The following ERAP1 variants were observed in gnomAD, a reference collection of about 807,000 sequenced individuals.
The protein encoded by ERAP1 is endoplasmic reticulum aminopeptidase 1, also known as adipocyte-derived leucine aminopeptidase.
ERAP1 carries 86 observed loss-of-function variants against 103.7 expected under a neutral mutation model. The observed-to-expected ratio is 0.83, with a 90% CI of 0.70 to 0.99. ERAP1 has a LOEUF of 0.99. Among genes scored for constraint, ERAP1 ranks in the 50% least tolerant of loss-of-function variants. The pLI, the probability that ERAP1 is intolerant of heterozygous loss-of-function variation, is 0.00. For synonymous variants in ERAP1, 398 were observed against 402.4 expected (o/e 0.99, Z 0.13); for missense variants, 1,009 against 1,128.4 (o/e 0.89, Z 1.52).
chr5:96,924,569 A>G, the ERAP1 span, among the ~76,000 whole-genome samples: 1 of 152,144 alleles, frequency 6.6e-6, no homozygotes, highest in East Asian at 1.9e-4. Context: ...CTCTAGAAAG[A>G]GCAAGTCAAT....
At chr5:96,797,382 T>G in intron 3 of ERAP1, 73 bp from the exon 4 acceptor site, 3 of 1,515,286 alleles carry the variant, frequency 2.0e-6, no homozygotes, top group Non-Finnish European at 2.7e-6. Flanking sequence ...ATTTCCTAAT[T>G]ATCAGACATA....
exon 20 of ERAP1, chr5:96,762,270 A>G (rs1469730558): frequency 1.9e-6 from 3 of 1,596,810 alleles, no homozygotes; most frequent in South Asian, 2.3e-5. Flanking sequence ...TTTTTCAATA[A>G]AAGAAATTTG....
intron 8 of ERAP1, among the ~76,000 whole-genome samples, 194 bp downstream of exon 8, chr5:96,791,867 T>A (rs913787305): frequency 2.0e-5 from 3 of 152,188 alleles, no homozygotes; most frequent in African/African-American, 7.2e-5. Flanking sequence ...TATGAAGAAT[T>A]TCCCATAAAA....
chr5:96,793,892 C>T lies in ERAP1; in HGVS notation c.985G>A (p.Glu329Lys). ...TCTGCATCAAACAACAGAGCAGATT[C>T]TCTATATGTTGTCAGTCCCCAGTTT... ...MENWGLTTYR[E>K]SALLFDAEKS... Residue 329 changes from glutamate to lysine, a missense_variant, in exon 6 of 19, where the codon GAA becomes AAA. Physicochemically the swap from Glu to Lys is moderately conservative, Grantham distance 56 (BLOSUM62 1). This residue lies in a region of ERAP1 where 392 missense variants were observed against 455.2 expected (regional missense o/e 0.86). Transcript: ENST00000443439. The T allele has an allele frequency of 1.2e-6, 2 of 1,614,084 alleles. No individual in the cohort carries two copies. The highest frequency in any genetic ancestry group is 1.7e-6 in the Non-Finnish European group (2 of 1,179,934).
chr5:96,909,077 T>A, the ERAP1 span: 1 of 1,614,172 alleles, frequency 6.2e-7, no homozygotes, highest in Non-Finnish European at 8.5e-7. Context: ...TACCACATGA[T>A]GGACAGAAGG....
At chr5:96,770,614 A>T, downstream of ERAP1, 1 of 1,575,254 alleles carries the variant, frequency 6.3e-7, no homozygotes, top group Non-Finnish European at 8.7e-7. Flanking sequence ...TAAATGGAGC[A>T]GTAAATATAC....
intron 6 of ERAP1, 98 bp from the exon 7 acceptor site, chr5:96,793,611 A>G: frequency 9.0e-7 from 1 of 1,108,194 alleles, no homozygotes; most frequent in Non-Finnish European, 1.3e-6. Context: ...TATTTACAGG[A>G]CCAATATTTA....
intron 19 of ERAP1, chr5:96,768,248 T>A: frequency 2.1e-6 from 1 of 472,870 alleles, no homozygotes; most frequent in Admixed American, 3.4e-5. Context: ...CACACCCAGC[T>A]AATTTTTGTA....
chr5:96,864,335 TTG>T, the ERAP1 span, among the ~76,000 whole-genome samples: 1 of 152,230 alleles, frequency 6.6e-6, no homozygotes, highest in Admixed American at 6.5e-5. Context: ...CCATGTGTCT[TTG>T]TGTTTTCCCT....
the ERAP1 span, chr5:96,889,102 C>T: frequency 1.3e-6 from 2 of 1,526,364 alleles, no homozygotes; most frequent in Admixed American, 3.6e-5. Context: ...TACAGTCTGC[C>T]TTTCTGTGTG....
intron 18 of ERAP1, among the ~76,000 whole-genome samples, chr5:96,778,934 G>T (rs961379515): frequency 6.6e-6 from 1 of 152,166 alleles, no homozygotes; most frequent in African/African-American, 2.4e-5. Context: ...TCTCCATTAT[G>T]ATAACATCTC....
At chr5:96,923,068 G>T in the ERAP1 span, among the ~76,000 whole-genome samples, 1 of 152,186 alleles carries the variant, frequency 6.6e-6, no homozygotes, top group Non-Finnish European at 1.5e-5. Context: ...TCAGTTTCTG[G>T]GTTCAGGTGA....
chr5:96,832,980 G>A, the ERAP1 span, among the ~76,000 whole-genome samples: 6 of 152,152 alleles, frequency 3.9e-5, no homozygotes, highest in Admixed American at 1.3e-4. Context: ...AAGGGATCCC[G>A]GGGAGTAATC....
At chr5:96,860,482 AGAG>A in the ERAP1 span, among the ~76,000 whole-genome samples, 1 of 152,176 alleles carries the variant, frequency 6.6e-6, no homozygotes, top group South Asian at 2.1e-4. Context: ...CTGAATTTAC[AGAG>A]GAGAAGAACT....
intron 3 of ERAP1, among the ~76,000 whole-genome samples, chr5:96,798,051 C>T (rs1405588399): frequency 6.6e-6 from 1 of 152,114 alleles, no homozygotes; most frequent in Non-Finnish European, 1.5e-5. Flanking sequence ...CTGGGCCGGA[C>T]ACAGTGGCTC....
the ERAP1 span, among the ~76,000 whole-genome samples, chr5:96,856,365 T>TAGAGAGAGAGAG: frequency 1.4e-3 from 28 of 20,372 alleles, 2 homozygotes; most frequent in African/African-American, 3.3e-3. Context: ...TATATATATA[T>TAGAGAGAGAGAG]AGAGAGAGAG....
chr5:96,805,364 A>G (rs1053718893), intron 1 of ERAP1, among the ~76,000 whole-genome samples: 2 of 151,246 alleles, frequency 1.3e-5, no homozygotes, highest in African/African-American at 4.9e-5. Context: ...TTTTAAAAAA[A>G]AAAAAAACTG....
rs765111869 is a variant in ERAP1, at chr5:96,788,624, C to T, written c.1586G>A (p.Gly529Asp). ...TMMNTWTLQK[G>D]FPLITITVRG... ...CACTGTGATGGTTATTAGGGGAAAA[C>T]CCTTCTGCAGTGTCCAAGTGTTCAT... is the stretch of plus-strand genomic sequence containing the variant. The change falls in exon 11 of 19, where the codon GGT (glycine) becomes GAT (aspartate). Residue 529 changes from glycine (G) to aspartate (D), a missense_variant. Around this residue, in one of 3 missense-constraint regions of ERAP1, gnomAD observed 611 missense variants for 651.7 expected, o/e 0.94. Coordinates refer to ENST00000443439, the MANE Select transcript of ERAP1 (RefSeq NM_001040458.3). 1.2e-6 allele frequency: 2 copies of T among 1,614,174 alleles called. No homozygotes were observed. Among genetic ancestry groups the T allele is most frequent in the African/African-American group, 2.7e-5 (2 of 75,034 alleles).
the ERAP1 span, among the ~76,000 whole-genome samples, chr5:96,906,964 G>T: frequency 6.6e-6 from 1 of 152,176 alleles, no homozygotes; most frequent in Non-Finnish European, 1.5e-5. Flanking sequence ...GGAGGCAGAG[G>T]TTGCAGTGAG....
Sources: gnomAD v4.1 joint callset for allele counts (sites outside exome capture counted in the v4.1 genomes callset) on GRCh38, gnomAD v4.1.1 for gene constraint, gnomAD v4.1.1 regional missense constraint, MANE v1.5 for transcripts, NCBI Gene and HGNC (gene_info 2026-07-23, HGNC 2026-07-21) for gene names.